Variants in UNC5D observed in about 807,000 individuals in gnomAD.
UNC5D encodes unc-5 netrin receptor D.
UNC5D carries 39 observed loss-of-function variants against 105.4 expected under a neutral mutation model. The ratio of observed to expected loss-of-function variants is 0.37; its 90% CI spans 0.29 to 0.48. UNC5D has a LOEUF of 0.48. Ranked by LOEUF, UNC5D falls within the 20% of genes least tolerant of loss-of-function variation. UNC5D has a pLI of 0.98. For synonymous variants in UNC5D, 452 were observed against 450.4 expected (o/e 1.00, Z -0.04); for missense variants, 991 against 1,202.4 (o/e 0.82, Z 2.60).
rs1483787632 is a variant in UNC5D, at chr8:35,796,196, T to C, written c.*5633T>C. 6.6e-6 allele frequency: 1 copy of C among 152,168 alleles called. No individual in the cohort carries two copies. The highest frequency in any genetic ancestry group is 6.5e-5 in the Admixed American group (1 of 15,282). 9.4% of individuals were successfully genotyped at this position (152,168 alleles called of 1,614,324 possible). ...AGCAAGCCAGAGGAGAGAGGTTGAA[T>C]GAAGCATAGCCTTGGCTTCATACCA... On this transcript the variant is annotated 3_prime_UTR_variant, in exon 17 of 17. Coordinates refer to ENST00000404895, the MANE Select transcript of UNC5D (RefSeq NM_080872.4).
At chr8:35,584,534 C>T (rs1304902252) in intron 3 of UNC5D, among the ~76,000 whole-genome samples, 2 of 152,084 alleles carry the variant, frequency 1.3e-5, no homozygotes, top group Non-Finnish European at 2.9e-5. Context: ...CCTGTCTCAG[C>T]CTCCCAAGTA....
At chr8:35,264,689 C>T (rs1804722026) in intron 1 of UNC5D, among the ~76,000 whole-genome samples, 1 of 149,918 alleles carries the variant, frequency 6.7e-6, no homozygotes, top group Admixed American at 6.7e-5. Context: ...GAGATCATGC[C>T]ACTGCACTCC....
intron 1 of UNC5D, among the ~76,000 whole-genome samples, chr8:35,465,224 A>G (rs1809216205): frequency 1.3e-5 from 2 of 152,134 alleles, no homozygotes. Flanking sequence ...AACACTGTCT[A>G]TGCAAAAAGT....
intron 1 of UNC5D, among the ~76,000 whole-genome samples, chr8:35,468,651 C>T (rs1809485318): frequency 1.3e-5 from 2 of 152,172 alleles, no homozygotes; most frequent in Admixed American, 6.6e-5. Flanking sequence ...TATGTCACAA[C>T]TTGGAATGGT....
At chr8:35,434,943 G>A (rs1806907643) in intron 1 of UNC5D, among the ~76,000 whole-genome samples, 1 of 152,056 alleles carries the variant, frequency 6.6e-6, no homozygotes, top group South Asian at 2.1e-4. Flanking sequence ...TGTATGTCGT[G>A]TGTGTGTATC....
At chr8:35,633,938 A>G (rs1011905279) in intron 4 of UNC5D, among the ~76,000 whole-genome samples, 2 of 152,248 alleles carry the variant, frequency 1.3e-5, no homozygotes, top group Non-Finnish European at 2.9e-5. Flanking sequence ...CGAAAGATAT[A>G]ATCTTGGCAA....
At chr8:35,367,894 C>T (rs1326932101) in intron 1 of UNC5D, among the ~76,000 whole-genome samples, 1 of 152,150 alleles carries the variant, frequency 6.6e-6, no homozygotes, top group Non-Finnish European at 1.5e-5. Flanking sequence ...AGGCCCTTTG[C>T]TCCTTGCTAT....
At chr8:35,288,277 G>A (rs1463440132) in intron 1 of UNC5D, among the ~76,000 whole-genome samples, 1 of 152,028 alleles carries the variant, frequency 6.6e-6, no homozygotes, top group Non-Finnish European at 1.5e-5. Flanking sequence ...AATCCCACAG[G>A]CCATGAGAGA....
intron 16 of UNC5D, 133 bp downstream of exon 16, chr8:35,774,610 C>T: frequency 1.7e-6 from 2 of 1,206,802 alleles, no homozygotes; most frequent in Non-Finnish European, 2.3e-6. Context: ...CCTGTGTGTT[C>T]CCACTAAGTA....
chr8:35,358,132 C>G (rs1170141646), intron 1 of UNC5D, among the ~76,000 whole-genome samples: 1 of 152,180 alleles, frequency 6.6e-6, no homozygotes, highest in African/African-American at 2.4e-5. Context: ...TTTGACCCAG[C>G]AATCCCATTA....
intron 1 of UNC5D, among the ~76,000 whole-genome samples, chr8:35,302,139 A>G (rs1053420731): frequency 1.3e-5 from 2 of 152,170 alleles, no homozygotes; most frequent in Non-Finnish European, 2.9e-5. Context: ...ACTTTGGATA[A>G]ATTCAACAGC....
At chr8:35,789,941 G>A (rs1448318976) in intron 16 of UNC5D, among the ~76,000 whole-genome samples, 7 of 148,350 alleles carry the variant, frequency 4.7e-5, no homozygotes, top group African/African-American at 1.8e-4. Context: ...CAGAGTTCAA[G>A]GAAAGTGAGG....
chr8:35,355,985 C>T (rs2980391), intron 1 of UNC5D, among the ~76,000 whole-genome samples: 49,651 of 151,982 alleles, frequency 0.33, 9,869 homozygotes, highest in Middle Eastern at 0.45. Context: ...GTGGCATGAC[C>T]TTAGCTCACT....
chr8:35,704,088 A>G (rs1168683995), intron 7 of UNC5D, among the ~76,000 whole-genome samples: 4 of 152,242 alleles, frequency 2.6e-5, no homozygotes, highest in Admixed American at 6.5e-5. Flanking sequence ...GACTATGATC[A>G]TATCAACATC....
chr8:35,383,382 C>T (rs1803163102), intron 1 of UNC5D, among the ~76,000 whole-genome samples: 2 of 152,142 alleles, frequency 1.3e-5, no homozygotes, highest in African/African-American at 4.8e-5. Context: ...CCTTGAGAAG[C>T]CATAGTCACG....
intron 3 of UNC5D, 127 bp downstream of exon 3, chr8:35,568,368 C>A: frequency 7.8e-7 from 1 of 1,289,342 alleles, no homozygotes; most frequent in Non-Finnish European, 1.0e-6. Context: ...ATTTACTCTT[C>A]TAAAATGTTA....
At chr8:35,580,626 G>A (rs1283646821) in intron 3 of UNC5D, among the ~76,000 whole-genome samples, 1 of 152,114 alleles carries the variant, frequency 6.6e-6, no homozygotes, top group Non-Finnish European at 1.5e-5. Context: ...AATGGTCAGT[G>A]GTGTCAATGT....
intron 1 of UNC5D, among the ~76,000 whole-genome samples, chr8:35,387,280 G>A (rs943023571): frequency 6.7e-6 from 1 of 149,674 alleles, no homozygotes; most frequent in Non-Finnish European, 1.5e-5. Context: ...GGAGAATGGC[G>A]TGAACCCGGG....
At chr8:35,567,980 T>C in intron 2 of UNC5D, 118 bp from the exon 3 acceptor site, 3 of 1,446,026 alleles carry the variant, frequency 2.1e-6, no homozygotes, top group Non-Finnish European at 2.8e-6. Flanking sequence ...ATTAAAACCT[T>C]GCCTTGATTA....
Sources: allele counts gnomAD v4.1 joint callset (sites outside exome capture counted in the v4.1 genomes callset), GRCh38; gene constraint gnomAD v4.1.1; transcripts MANE v1.5; gene names NCBI Gene and HGNC (gene_info 2026-07-23, HGNC 2026-07-21).